Variants in GATB observed in about 807,000 individuals in gnomAD.
GATB encodes the protein glutamyl-tRNA amidotransferase subunit B, also known as glutamyl-tRNA(Gln) amidotransferase subunit B, mitochondrial.
Under a neutral mutation model 62.3 loss-of-function variants are expected in GATB, and 39 were observed. That is an observed-to-expected ratio of 0.63 (90% CI 0.48 to 0.82). The LOEUF (loss-of-function observed/expected upper bound fraction) is 0.82, where lower values mean the gene tolerates loss of function less well. Among genes scored for constraint, GATB ranks in the 40% least tolerant of loss-of-function variants. The pLI, the probability that GATB is intolerant of heterozygous loss-of-function variation, is 0.00. For synonymous variants in GATB, 276 were observed against 258.9 expected, an observed-to-expected ratio of 1.07 and a Z score of -0.63; for missense variants, 670 against 684.0, an observed-to-expected ratio of 0.98 and a Z score of 0.23.
At chr4:151,695,212 C>A (rs777146221) in intron 9 of GATB, among the ~76,000 whole-genome samples, 43 of 152,132 alleles carry the variant, frequency 2.8e-4, no homozygotes, top group Non-Finnish European at 5.0e-4. Context: ...TTCTCCCTGG[C>A]GACATATTCT....
chr4:151,735,540 T>C (rs1162900080), intron 2 of GATB, among the ~76,000 whole-genome samples: 3 of 151,738 alleles, frequency 2.0e-5, no homozygotes, highest in African/African-American at 7.3e-5. Flanking sequence ...TGGAGATTCC[T>C]TAAAGAACTA....
intron 2 of GATB, among the ~76,000 whole-genome samples, chr4:151,746,052 C>T (rs1034739541): frequency 6.6e-6 from 1 of 152,186 alleles, no homozygotes; most frequent in African/African-American, 2.4e-5. Flanking sequence ...GTAGTGCAGC[C>T]TGATTATCAG....
At chr4:151,675,008 C>G (rs1485253198) in intron 11 of GATB, 1 of 152,238 alleles carries the variant, frequency 6.6e-6, no homozygotes, top group African/African-American at 2.4e-5. Context: ...ACGGCAGACC[C>G]TGAGCAGGCT....
Position 151,671,138 on chromosome 4 carries a change from T to G in GATB, c.*36A>C, listed in dbSNP as rs1477693855. On this transcript the variant is annotated 3_prime_UTR_variant, in exon 13 of 13. Coordinates refer to ENST00000263985, the MANE Select transcript of GATB (RefSeq NM_004564.3). The stretch of plus-strand genomic sequence containing the variant: ...CTGTTCCCAGTCAGGCTGCACTGTT[T>G]GTTGTTGTCCCTTGGGCAAGGGGAT... The G allele has an allele frequency of 1.2e-6, 2 of 1,613,568 alleles. No homozygotes were observed. The highest frequency in any genetic ancestry group is 8.5e-7 in the Non-Finnish European group (1 of 1,179,592).
Position 151,716,067 on chromosome 4 carries a change from A to T in GATB, c.705T>A (p.Ala235=). 1 of 1,614,036 alleles carries T rather than the reference A, an allele frequency of 6.2e-7. No individual in the cohort carries two copies. The highest frequency in any genetic ancestry group is 8.5e-7 in the Non-Finnish European group (1 of 1,179,970). The change falls in exon 5 of 13, where the codon GCT becomes GCA. Residue 235 remains alanine, a synonymous_variant. Transcript: ENST00000263985. The part of the protein sequence containing the change: ...DMSCGEEAAT[A]VRELQLILQA... Reference sequence around the variant, plus strand: ...GAAGGATCAGCTGCAGCTCCCTGACAGCTGTTGCCGCCTCTTCTCCACAGG... The same window carrying T: ...GAAGGATCAGCTGCAGCTCCCTGACTGCTGTTGCCGCCTCTTCTCCACAGG...
Position 151,670,583 on chromosome 4 carries a change from T to G in GATB, c.*591A>C, listed in dbSNP as rs1394556622. 1 of 152,230 alleles carries G rather than the reference T, an allele frequency of 6.6e-6. No homozygotes were observed. The allele number at this position is 152,230 out of a possible 1,614,324, so 9.4% of individuals were successfully genotyped here. ...AACAGGCAATATCACTTCTACTCAG[T>G]CGATAGGTTGATTAATTCTAATAAT... On this transcript the variant is annotated 3_prime_UTR_variant, in exon 13 of 13. Coordinates refer to ENST00000263985, the MANE Select transcript of GATB (RefSeq NM_004564.3).
intron 2 of GATB, among the ~76,000 whole-genome samples, chr4:151,735,706 C>T (rs564998675): frequency 1.6e-5 from 2 of 121,868 alleles, no homozygotes; most frequent in Non-Finnish European, 3.3e-5. Flanking sequence ...AAATGCCCAT[C>T]AATCAACAAG....
rs577521937 is a variant in GATB, at chr4:151,732,023, G to A, written c.328-12485C>T. ...GGAGGGAGGTGGGGGGTCAGCCCCC[G>A]CCCGGCCAGCCGCCCCGTCCGGGAG... is the stretch of plus-strand genomic sequence containing the variant. On this transcript the variant is annotated intron_variant, in intron 2 of 12. Coordinates refer to ENST00000263985, the MANE Select transcript of GATB (RefSeq NM_004564.3). Among the ~76,000 whole-genome samples the A allele has an allele frequency of 6.3e-3, 757 of 119,834 alleles. 5 individuals carry two copies. Among genetic ancestry groups the A allele is most frequent in the East Asian group, 0.019 (76 of 3,906 alleles). 78.6% of individuals were successfully genotyped at this position (119,834 alleles called of 152,430 possible).
chr4:151,712,406 G>A (rs535651045), intron 5 of GATB, among the ~76,000 whole-genome samples: 6 of 152,150 alleles, frequency 3.9e-5, no homozygotes, highest in Non-Finnish European at 8.8e-5. Context: ...ATGGCATCAG[G>A]CTCAATTTCT....
chr4:151,688,734 T>C lies in GATB; in HGVS notation c.1227A>G (p.Gln409=), dbSNP rs1171588792. ...LNEVGLLEFF[Q]NVIKETRAEP... is the part of the protein sequence containing the mutation. ...CTGCCCTAGTTTCTTTTATCACATT[T>C]TGGAAGAACTCCAGTAGGCCGACTT... Residue 409 remains glutamine (Q), a synonymous_variant, in exon 10 of 13, where the codon CAA becomes CAG. Coordinates refer to ENST00000263985, the MANE Select transcript of GATB (RefSeq NM_004564.3). The C allele has an allele frequency of 1.9e-6, 3 of 1,609,468 alleles. No homozygotes were observed. Among genetic ancestry groups the C allele is most frequent in the African/African-American group, 1.3e-5 (1 of 74,516 alleles).
intron 9 of GATB, among the ~76,000 whole-genome samples, chr4:151,696,795 C>T (rs1006775482): frequency 3.9e-5 from 6 of 152,166 alleles, no homozygotes; most frequent in African/African-American, 9.7e-5. Context: ...AAGAGATGCC[C>T]CACAGAAATC....
At chr4:151,704,578 C>T (rs912159512) in intron 7 of GATB, among the ~76,000 whole-genome samples, 7 of 151,538 alleles carry the variant, frequency 4.6e-5, no homozygotes, top group East Asian at 1.9e-4. Flanking sequence ...CTCAGCCTCC[C>T]GAGTAGCTGG....
At chr4:151,744,752 A>C (rs1578938010) in intron 2 of GATB, among the ~76,000 whole-genome samples, 1 of 152,166 alleles carries the variant, frequency 6.6e-6, no homozygotes, top group Non-Finnish European at 1.5e-5. Context: ...TATGGCAGGG[A>C]AGGAGTCAAA....
At position 151,688,726 on chromosome 4, in the gene GATB, A is replaced by G; in HGVS notation, c.1235T>C (p.Ile412Thr). The change falls in exon 10 of 13, where the codon ATA becomes ACA. Residue 412 changes from isoleucine (I) to threonine (T), a missense_variant. By Grantham distance (89) the Ile-to-Thr change is moderately conservative. Transcript: ENST00000263985. ...TTTTGGCTCTGCCCTAGTTTCTTTT[A>G]TCACATTTTGGAAGAACTCCAGTAG... Reference protein sequence around the residue: ...VGLLEFFQNVIKETRAEPKKV... With the variant: ...VGLLEFFQNVTKETRAEPKKV... 6.2e-7 allele frequency: 1 copy of G among 1,611,358 alleles called. No homozygotes were observed. Among genetic ancestry groups the G allele is most frequent in the Non-Finnish European group, 8.5e-7 (1 of 1,179,246 alleles).
chr4:151,749,280 A>C (rs1295883382), intron 2 of GATB, among the ~76,000 whole-genome samples: 1 of 152,206 alleles, frequency 6.6e-6, no homozygotes, highest in Non-Finnish European at 1.5e-5. Flanking sequence ...ACAGTGATAG[A>C]CTGGATTAAG....
intron 9 of GATB, among the ~76,000 whole-genome samples, chr4:151,692,230 A>G (rs148097797): frequency 6.6e-6 from 1 of 152,310 alleles, no homozygotes; most frequent in African/African-American, 2.4e-5. Context: ...GCAAGAGAGC[A>G]CTAGAACTAG....
intron 2 of GATB, among the ~76,000 whole-genome samples, chr4:151,753,707 A>G (rs1378142483): frequency 1.3e-5 from 2 of 152,220 alleles, no homozygotes; most frequent in African/African-American, 2.4e-5. Flanking sequence ...ACTTAACATG[A>G]GATCTATCCT....
At chr4:151,698,785 A>G (rs1380979180) in intron 9 of GATB, among the ~76,000 whole-genome samples, 2 of 152,158 alleles carry the variant, frequency 1.3e-5, no homozygotes, top group Non-Finnish European at 2.9e-5. Flanking sequence ...GAAAAATACT[A>G]ATCACCCAAT....
intron 5 of GATB, among the ~76,000 whole-genome samples, chr4:151,712,994 T>C (rs1335696326): frequency 4.6e-5 from 7 of 152,146 alleles, no homozygotes; most frequent in Non-Finnish European, 1.0e-4. Flanking sequence ...CTGCTCCTTA[T>C]CCCTTGCATT....
Sources: allele counts gnomAD v4.1 joint callset (sites outside exome capture counted in the v4.1 genomes callset), GRCh38; gene constraint gnomAD v4.1.1; transcripts MANE v1.5; gene names NCBI Gene and HGNC (gene_info 2026-07-23, HGNC 2026-07-21).